VWF: variants seen among roughly 807,000 people sequenced by gnomAD.
VWF encodes the protein von Willebrand factor.
In VWF, 176 loss-of-function variants were observed where a neutral mutation model predicts 308.6. The observed-to-expected ratio is 0.57, with a 90% confidence interval of 0.50 to 0.65. The LOEUF is 0.65. VWF is among the 30% of genes least tolerant of loss of function. The probability of loss-of-function intolerance (pLI) is 0.00; values close to 1 mark genes in which losing one functional copy is unlikely to be tolerated. For missense variants in VWF, 3,146 were observed against 3,648.2 expected (o/e 0.86, Z 3.55); for synonymous variants, 1,385 against 1,443.4 (o/e 0.96, Z 0.92).
At chr12:6,014,077 AAACCT>A (rs1944027052) in intron 31 of VWF, among the ~76,000 whole-genome samples, 1 of 152,100 alleles carries the variant, frequency 6.6e-6, no homozygotes, top group African/African-American at 2.4e-5. Context: ...ATCTGAGCAG[AAACCT>A]GATGTAAGGA....
At chr12:6,053,198 T>C (rs1418505635) in intron 15 of VWF, among the ~76,000 whole-genome samples, 1 of 152,200 alleles carries the variant, frequency 6.6e-6, no homozygotes, top group Non-Finnish European at 1.5e-5. Context: ...TAAAAAGTAC[T>C]GGGAATGACG....
chr12:6,120,168 C>T (rs1237845356), intron 3 of VWF, among the ~76,000 whole-genome samples: 1 of 152,184 alleles, frequency 6.6e-6, no homozygotes, highest in Non-Finnish European at 1.5e-5. Flanking sequence ...ACCCCAGGAG[C>T]CCTACAGCCC....
chr12:5,973,031 T>C (rs1192838923), intron 43 of VWF, among the ~76,000 whole-genome samples: 1 of 152,170 alleles, frequency 6.6e-6, no homozygotes, highest in East Asian at 1.9e-4. Context: ...ACAGTGTCAA[T>C]ATTACGGATG....
At chr12:6,008,995 A>G (rs1943962249) in intron 34 of VWF, among the ~76,000 whole-genome samples, 1 of 152,196 alleles carries the variant, frequency 6.6e-6, no homozygotes, top group South Asian at 2.1e-4. Flanking sequence ...TCCTAAAAGA[A>G]AACACAAGAA....
In VWF at chr12:6,054,454, T is replaced by C. The variant is rs924937107; in HGVS notation, c.1946-1671A>G. Reference sequence around the variant, plus strand: ...AAAGCAGCTAGACTTGAGAACTTTCTTTGTTCTGATAGGCTATCTCTAGGG... The same window carrying C: ...AAAGCAGCTAGACTTGAGAACTTTCCTTGTTCTGATAGGCTATCTCTAGGG... On this transcript the variant is annotated intron_variant, in intron 15 of 51. Transcript: ENST00000261405. 2.0e-5 allele frequency among the ~76,000 whole-genome samples: 3 copies of C among 152,220 alleles called. No individual in the cohort carries two copies. The South Asian group carries it at 6.2e-4, about 32-fold the overall frequency.
intron 6 of VWF, among the ~76,000 whole-genome samples, chr12:6,076,810 G>C (rs1326308804): frequency 6.6e-6 from 1 of 152,178 alleles, no homozygotes; most frequent in Non-Finnish European, 1.5e-5. Context: ...CTACAGTCGG[G>C]GCCAGGGGCC....
chr12:6,044,157 T>C, intron 18 of VWF, 134 bp downstream of exon 18: 1 of 1,197,686 alleles, frequency 8.3e-7, no homozygotes, highest in Non-Finnish European at 1.2e-6. Flanking sequence ...CATGCCCCCA[T>C]TACCAGCACC....
intron 38 of VWF, among the ~76,000 whole-genome samples, chr12:5,988,199 T>TCA (rs1316278848): frequency 6.6e-6 from 1 of 152,090 alleles, no homozygotes; most frequent in Non-Finnish European, 1.5e-5. Flanking sequence ...GTGCCCGGCA[T>TCA]CACAGGTGAG....
At chr12:5,969,886 T>C (rs1001235098) in intron 44 of VWF, among the ~76,000 whole-genome samples, 5 of 152,160 alleles carry the variant, frequency 3.3e-5, no homozygotes, top group African/African-American at 1.2e-4. Flanking sequence ...CCAAGGGTTG[T>C]CACCACGGGC....
intron 44 of VWF, 83 bp from the exon 45 acceptor site, chr12:5,969,474 A>T (rs1943445266): frequency 6.4e-7 from 1 of 1,558,276 alleles, no homozygotes; most frequent in Admixed American, 1.8e-5. Context: ...TTCTCTCAGG[A>T]AGGTGGTTTC....
At position 6,064,243 on chromosome 12, in the gene VWF, T is replaced by C; in HGVS notation, c.1432+3A>G. ...AGGCCTGATGGAGCAGGACGAAGCA[T>C]ACCTTTCAGGAGGGGGAGCTGGACG... On this transcript the variant is annotated splice_donor_region_variant and intron_variant, in intron 12 of 51. Transcript: ENST00000261405. The C allele has an allele frequency of 1.9e-6, 3 of 1,614,118 alleles. No individual in the cohort carries two copies. Among genetic ancestry groups the C allele is most frequent in the South Asian group, 2.2e-5 (2 of 91,086 alleles).
intron 38 of VWF, among the ~76,000 whole-genome samples, chr12:5,989,171 G>A (rs1389757079): frequency 6.6e-6 from 1 of 152,194 alleles, no homozygotes; most frequent in Non-Finnish European, 1.5e-5. Context: ...CTGAGCCAGG[G>A]ACAGCCTGTG....
chr12:6,064,103 C>G, intron 12 of VWF, 143 bp downstream of exon 12: 1 of 1,362,676 alleles, frequency 7.3e-7, no homozygotes, highest in Non-Finnish European at 1.0e-6. Flanking sequence ...AGCACCCCAC[C>G]CTGCCCTCCA....
chr12:6,019,391 T>C lies in VWF; in HGVS notation c.4027A>G (p.Ile1343Val), dbSNP rs150923481. Residue 1343 changes from isoleucine (I) to valine (V), a missense_variant, in exon 28 of 52, where the codon ATT becomes GTT. Coordinates refer to ENST00000261405, the MANE Select transcript of VWF (RefSeq NM_000552.5). This position sits in a 1 kb window ranked among gnomAD's most constrained non-coding sequence, Gnocchi z 5.8. ...CCCGCATACTTCACCTGGCTGGCAA[T>C]GCGCCGCAGCTCTGACGGTCGCTTC... ...DRKRPSELRR[I>V]ASQVKYAGSQ... 1.0e-4 allele frequency: 163 copies of C among 1,613,778 alleles called. No homozygotes were observed. The highest frequency in any genetic ancestry group is 3.3e-4 in the Middle Eastern group (2 of 6,076).
intron 34 of VWF, among the ~76,000 whole-genome samples, chr12:6,008,357 T>A (rs1166936633): frequency 6.6e-6 from 1 of 152,162 alleles, no homozygotes; most frequent in Non-Finnish European, 1.5e-5. Context: ...GATAGGAGAA[T>A]GGCTCAACGT....
chr12:6,110,336 G>A, intron 5 of VWF, 38 bp downstream of exon 5: 1 of 1,603,628 alleles, frequency 6.2e-7, no homozygotes, highest in Non-Finnish European at 8.5e-7. Flanking sequence ...AAAAAGCATG[G>A]CCACACTTTA....
chr12:6,053,844 C>G (rs941298731), intron 15 of VWF, among the ~76,000 whole-genome samples: 1 of 152,232 alleles, frequency 6.6e-6, no homozygotes, highest in Non-Finnish European at 1.5e-5. Context: ...GCTAAGGAAA[C>G]AGCCCCAGCT....
intron 15 of VWF, among the ~76,000 whole-genome samples, chr12:6,055,436 G>A (rs371395966): frequency 5.9e-5 from 9 of 152,236 alleles, no homozygotes; most frequent in East Asian, 3.9e-4. Flanking sequence ...GGTACCTCAC[G>A]GGAAAGTTGC....
Position 6,111,070 on chromosome 12 carries a change from C to T in VWF, c.221-102G>A, listed in dbSNP as rs531163700. ...TACGTAACCTTTTCTCAGCAGAAAA[C>T]GCCCCAAAAAGTCTTTACAAGCGAG... is the stretch of plus-strand genomic sequence containing the variant. On this transcript the variant is annotated intron_variant, in intron 3 of 51. Coordinates refer to ENST00000261405, the MANE Select transcript of VWF (RefSeq NM_000552.5). 2.0e-4 allele frequency: 222 copies of T among 1,130,680 alleles called. 1 individual carries two copies. The highest frequency in any genetic ancestry group is 8.2e-4 in the Middle Eastern group (4 of 4,872). The allele number at this position is 1,130,680 out of a possible 1,614,324, so 70.0% of individuals were successfully genotyped here. A position where few individuals can be genotyped will look rare whatever the true frequency, so the allele number is the denominator to read the frequency against.
Sources: allele counts gnomAD v4.1 joint callset (sites outside exome capture counted in the v4.1 genomes callset), GRCh38; gene constraint gnomAD v4.1.1; non-coding constraint Gnocchi (gnomAD v3.1); transcripts MANE v1.5; gene names NCBI Gene and HGNC (gene_info 2026-07-23, HGNC 2026-07-21).